Variants in RORA observed in about 807,000 individuals in gnomAD.
RORA encodes nuclear receptor ROR-alpha.
Under a neutral mutation model 69.5 loss-of-function variants are expected in RORA, and 7 were observed. The ratio of observed to expected loss-of-function variants is 0.10; its 90% CI spans 0.06 to 0.19. The LOEUF (loss-of-function observed/expected upper bound fraction) is 0.19, where lower values mean the gene tolerates loss of function less well. Ranked by LOEUF, RORA falls within the 10% of genes least tolerant of loss-of-function variation. The pLI is 1.00. For synonymous variants in RORA, 261 were observed against 240.8 expected (o/e 1.08, Z -0.78); for missense variants, 457 against 663.0 (o/e 0.69, Z 3.41).
intron 1 of RORA, among the ~76,000 whole-genome samples, chr15:61,040,428 T>C (rs1896703314): frequency 6.6e-6 from 1 of 151,938 alleles, no homozygotes; most frequent in Non-Finnish European, 1.5e-5. Context: ...CGATACCTAT[T>C]TTATCTTCTC....
intron 1 of RORA, among the ~76,000 whole-genome samples, chr15:60,741,426 T>G (rs2140849318): frequency 6.6e-6 from 1 of 152,304 alleles, no homozygotes; most frequent in South Asian, 2.1e-4. Context: ...TCTTTCTTGA[T>G]GCTATGAAAA....
At chr15:60,547,127 T>C (rs2067095433) in intron 2 of RORA, among the ~76,000 whole-genome samples, 1 of 152,208 alleles carries the variant, frequency 6.6e-6, no homozygotes, top group South Asian at 2.1e-4. Flanking sequence ...ACTCTATTAA[T>C]GTTCTAGAAG....
intron 1 of RORA, among the ~76,000 whole-genome samples, chr15:60,936,003 T>C (rs1009193516): frequency 3.3e-5 from 5 of 152,224 alleles, no homozygotes; most frequent in East Asian, 1.9e-4. Context: ...TCATCACCAG[T>C]TGAAGTCAAG....
intron 2 of RORA, among the ~76,000 whole-genome samples, chr15:60,640,474 T>C (rs995328686): frequency 2.0e-5 from 3 of 152,124 alleles, no homozygotes; most frequent in African/African-American, 7.2e-5. Flanking sequence ...GTAAATCACA[T>C]CATGCCCCTA....
intron 1 of RORA, among the ~76,000 whole-genome samples, chr15:61,201,826 C>A (rs953075448): frequency 6.6e-6 from 1 of 152,114 alleles, no homozygotes; most frequent in Non-Finnish European, 1.5e-5. Flanking sequence ...TTAGACATTT[C>A]CATGCTTACT....
intron 1 of RORA, among the ~76,000 whole-genome samples, chr15:60,726,424 G>A (rs990110575): frequency 6.6e-6 from 1 of 152,160 alleles, no homozygotes; most frequent in Non-Finnish European, 1.5e-5. Flanking sequence ...GGCCAGTATT[G>A]AGCACCTACT....
chr15:60,713,555 A>G (rs2071174666), intron 1 of RORA, among the ~76,000 whole-genome samples: 1 of 152,196 alleles, frequency 6.6e-6, no homozygotes, highest in Non-Finnish European at 1.5e-5. Flanking sequence ...ACGCCCCCGT[A>G]CATTCCACTC....
At chr15:60,767,933 A>G (rs1290816415) in intron 1 of RORA, among the ~76,000 whole-genome samples, 2 of 152,186 alleles carry the variant, frequency 1.3e-5, no homozygotes, top group Non-Finnish European at 2.9e-5. Context: ...GGGCAGGGCC[A>G]CATCTCGTTC....
intron 1 of RORA, among the ~76,000 whole-genome samples, chr15:60,820,029 C>T (rs564280934): frequency 6.6e-6 from 1 of 152,282 alleles, no homozygotes; most frequent in Non-Finnish European, 1.5e-5. Context: ...CCTAACATCC[C>T]AAACTAAAAG....
intron 1 of RORA, among the ~76,000 whole-genome samples, chr15:60,822,403 C>A (rs535904151): frequency 6.6e-6 from 1 of 152,310 alleles, no homozygotes; most frequent in Non-Finnish European, 1.5e-5. Context: ...CCCATCCCAG[C>A]TTCCCAGGTC....
intron 2 of RORA, among the ~76,000 whole-genome samples, chr15:60,532,731 T>A (rs1326522623): frequency 6.6e-6 from 1 of 152,198 alleles, no homozygotes; most frequent in Non-Finnish European, 1.5e-5. Context: ...TTAAATAGAA[T>A]TTATATGTGA....
rs866338392 is a variant in RORA, at chr15:60,633,037, G to A, written c.196+45620C>T. Among the ~76,000 whole-genome samples, 11 of 152,286 alleles carry A rather than the reference G, an allele frequency of 7.2e-5. No individual in the cohort carries two copies. In the Middle Eastern group the frequency reaches 0.01, roughly 141 times the overall value. On this transcript the variant is annotated intron_variant, in intron 2 of 10. Transcript: ENST00000335670. ...CAACATTTCAATACCCCAAAAGTAG[G>A]AAGGACACTCTCTTCTTTATTTCTT...
chr15:60,786,302 G>C (rs1229597775), intron 1 of RORA, among the ~76,000 whole-genome samples: 1 of 152,154 alleles, frequency 6.6e-6, no homozygotes, highest in Non-Finnish European at 1.5e-5. Flanking sequence ...CTTGTTGAAA[G>C]GTCAGGGGAT....
intron 1 of RORA, among the ~76,000 whole-genome samples, chr15:61,019,268 C>T (rs1302191665): frequency 1.3e-5 from 2 of 152,174 alleles, no homozygotes; most frequent in African/African-American, 2.4e-5. Flanking sequence ...ATGATAACCC[C>T]ATTTGTTCTC....
At chr15:60,956,882 C>T (rs942661785) in intron 1 of RORA, among the ~76,000 whole-genome samples, 5 of 152,180 alleles carry the variant, frequency 3.3e-5, no homozygotes, top group African/African-American at 4.8e-5. Context: ...GGAGGTCCTC[C>T]GTGTGAGTCT....
intron 1 of RORA, among the ~76,000 whole-genome samples, chr15:60,793,744 A>C (rs910436380): frequency 6.6e-6 from 1 of 152,198 alleles, no homozygotes; most frequent in Non-Finnish European, 1.5e-5. Flanking sequence ...TGAAACTTCA[A>C]AGAGCTTTCT....
At chr15:61,027,448 C>T (rs999031857) in intron 1 of RORA, among the ~76,000 whole-genome samples, 4 of 152,046 alleles carry the variant, frequency 2.6e-5, no homozygotes, top group South Asian at 4.2e-4. Flanking sequence ...TTTGGCTCGG[C>T]GTTTTGTTTA....
In RORA at chr15:60,865,197, G is replaced by A. The variant is rs534802283; in HGVS notation, c.167-186511C>T. Among the ~76,000 whole-genome samples, 8 of 152,318 alleles carry A rather than the reference G, an allele frequency of 5.3e-5. No individual in the cohort carries two copies. The East Asian group carries it at 1.5e-3, about 29-fold the overall frequency. On this transcript the variant is annotated intron_variant, in intron 1 of 10. Coordinates refer to ENST00000335670, the MANE Select transcript of RORA (RefSeq NM_134261.3). ...ACCCTGAACAGGGCTCCCTGTCAGAGAACTTGGGTTCCAGTCTAGTCTGTG... is the reference window on the plus strand; with the variant it reads ...ACCCTGAACAGGGCTCCCTGTCAGAAAACTTGGGTTCCAGTCTAGTCTGTG...
intron 1 of RORA, among the ~76,000 whole-genome samples, chr15:61,001,281 G>A (rs1287265655): frequency 6.6e-6 from 1 of 152,184 alleles, no homozygotes; most frequent in East Asian, 1.9e-4. Flanking sequence ...GCAAGAGTGT[G>A]CTATAAAAAG....
Sources: gnomAD v4.1 joint callset for allele counts (sites outside exome capture counted in the v4.1 genomes callset) on GRCh38, gnomAD v4.1.1 for gene constraint, MANE v1.5 for transcripts, NCBI Gene and HGNC (gene_info 2026-07-23, HGNC 2026-07-21) for gene names.